CAD: variants seen among roughly 807,000 people sequenced by gnomAD.
CAD encodes carbamoyl-phosphate synthetase 2, aspartate transcarbamylase, and dihydroorotase, also known as multifunctional protein CAD.
CAD carries 81 observed loss-of-function variants against 237.2 expected under a neutral mutation model. That is an observed-to-expected ratio of 0.34 (90% CI 0.29 to 0.41). The LOEUF (loss-of-function observed/expected upper bound fraction) is 0.41, where lower values mean the gene tolerates loss of function less well. Among genes scored for constraint, CAD ranks in the 10% least tolerant of loss-of-function variants. The pLI is 1.00. For synonymous variants in CAD, 1,196 were observed against 1,162.8 expected, an observed-to-expected ratio of 1.03 and a Z score of -0.58; for missense variants, 2,181 against 2,951.7, an observed-to-expected ratio of 0.74 and a Z score of 6.05.
In CAD at chr2:27,218,155, A is replaced by C. The variant is rs534458496; in HGVS notation, c.222+139A>C. The C allele has an allele frequency of 5.7e-6, 4 of 702,414 alleles. No individual in the cohort carries two copies. The African/African-American group carries it at 7.4e-5, about 13-fold the overall frequency. 43.5% of individuals were successfully genotyped at this position (702,414 alleles called of 1,614,324 possible). ...TGAAGTAGTAAAGTCAAGGACTAAG[A>C]TCACTAGTAACTGTAGTTAGGGGTT... On this transcript the variant is annotated intron_variant, in intron 2 of 43. Coordinates refer to ENST00000264705, the MANE Select transcript of CAD (RefSeq NM_004341.5).
chr2:27,231,385 A>G (rs925015977), intron 15 of CAD, 83 bp from the exon 16 acceptor site: 4 of 784,436 alleles, frequency 5.1e-6, no homozygotes, highest in Admixed American at 4.0e-5. Flanking sequence ...AGTCTTGACT[A>G]TAAACCATAA....
Position 27,240,225 on chromosome 2 carries a change from A to G in CAD, c.5497-40A>G, listed in dbSNP as rs200104263. ...CAGAACGAGACTCCGTCTCAAAAGA[A>G]AAAAAAAAAAACAACTCTGGGCCAA... On this transcript the variant is annotated intron_variant, in intron 34 of 43. Coordinates refer to ENST00000264705, the MANE Select transcript of CAD (RefSeq NM_004341.5). The surrounding 1 kb of genome is among the most constrained non-coding windows in gnomAD (Gnocchi z 4.6). The G allele has an allele frequency of 6.2e-6, 9 of 1,452,754 alleles. No homozygotes were observed. The Admixed American group carries it at 7.8e-5, about 13-fold the overall frequency. 90.0% of individuals were successfully genotyped at this position (1,452,754 alleles called of 1,614,324 possible).
In CAD at chr2:27,240,510, C is replaced by T; in HGVS notation, c.5593+149C>T. ...TGCCATCCTTTGCCTAAACAAGTCT[C>T]CCCGGTGTGAGTAGACATCTCACAG... On this transcript the variant is annotated intron_variant, in intron 35 of 43. Coordinates refer to ENST00000264705, the MANE Select transcript of CAD (RefSeq NM_004341.5). This position sits in a 1 kb window ranked among gnomAD's most constrained non-coding sequence, Gnocchi z 4.6. The T allele has an allele frequency of 6.5e-7, 1 of 1,527,182 alleles. No homozygotes were observed. Among genetic ancestry groups the T allele is most frequent in the Non-Finnish European group, 8.9e-7 (1 of 1,123,234 alleles). The allele number at this position is 1,527,182 out of a possible 1,614,324, so 94.6% of individuals were successfully genotyped here.
At position 27,242,142 on chromosome 2, in the gene CAD, CT is replaced by C; in HGVS notation, c.6096+20del. ...AGTGGAGGTGAGGCCAGCCTGGGTA[CT>C]GAGATGGGGTTAAGAAGGCTGGACC... On this transcript the variant is annotated intron_variant, in intron 39 of 43. Transcript: ENST00000264705. The surrounding 1 kb of genome is among the most constrained non-coding windows in gnomAD (Gnocchi z 6.4). 1 of 1,610,624 alleles carries C rather than the reference CT, an allele frequency of 6.2e-7. No homozygotes were observed. Among genetic ancestry groups the C allele is most frequent in the Middle Eastern group, 1.9e-4 (1 of 5,314 alleles).
intron 23 of CAD, 60 bp downstream of exon 23, chr2:27,234,745 C>G (rs41288819): frequency 0.017 from 26,088 of 1,501,192 alleles, 283 homozygotes; most frequent in Non-Finnish European, 0.021. Flanking sequence ...GTTCACTCAC[C>G]ACACAGAGTT....
At chr2:27,231,167 G>A (rs1218796836) in intron 15 of CAD, among the ~76,000 whole-genome samples, 2 of 152,092 alleles carry the variant, frequency 1.3e-5, no homozygotes, top group Admixed American at 6.6e-5. Context: ...CACCACTCCC[G>A]GCTAATTTTT....
Position 27,233,860 on chromosome 2 carries a change from G to A in CAD, c.3399+52G>A, listed in dbSNP as rs576160943. On this transcript the variant is annotated intron_variant, in intron 21 of 43. Transcript: ENST00000264705. This position sits in a 1 kb window ranked among gnomAD's most constrained non-coding sequence, Gnocchi z 6.3. ...CTGAGGGCATGCTGCCAGCCCTGGA[G>A]GAGACTTCCTTCTCTGGTCCAGCAG... 5.5e-4 allele frequency: 879 copies of A among 1,595,152 alleles called. 2 individuals are homozygous for A. The highest frequency in any genetic ancestry group is 2.5e-3 in the South Asian group (224 of 90,494).
intron 43 of CAD, 25 bp from the exon 44 acceptor site, chr2:27,243,391 T>A: frequency 1.3e-5 from 1 of 77,858 alleles, no homozygotes; most frequent in Non-Finnish European, 2.3e-5. Context: ...TAACACTTCC[T>A]TTTTTTTTTT....
At chr2:27,224,173 C>A in intron 8 of CAD, 144 bp downstream of exon 8, 2 of 898,020 alleles carry the variant, frequency 2.2e-6, no homozygotes, top group South Asian at 1.6e-5. Context: ...CCCAAGATAC[C>A]GTTTAAGCTT....
Position 27,233,171 on chromosome 2 carries a change from G to T in CAD, c.2991+31G>T. 1 of 1,546,802 alleles carries T rather than the reference G, an allele frequency of 6.5e-7. No homozygotes were observed. Among genetic ancestry groups the T allele is most frequent in the Non-Finnish European group, 8.9e-7 (1 of 1,118,830 alleles). ...GGAGATGGAGGCTTCCTGGTAGCTT[G>T]AGTGGCCAGGGTCGAGTAGAACAGC... is the stretch of plus-strand genomic sequence containing the variant. On this transcript the variant is annotated intron_variant, in intron 19 of 43. Coordinates refer to ENST00000264705, the MANE Select transcript of CAD (RefSeq NM_004341.5). The surrounding 1 kb of genome is among the most constrained non-coding windows in gnomAD (Gnocchi z 6.3).
chr2:27,241,152 C>T lies in CAD; in HGVS notation c.5733C>T (p.His1911=), dbSNP rs1016981213. The T allele has an allele frequency of 3.7e-6, 6 of 1,612,690 alleles. No individual in the cohort carries two copies. In the African/African-American group the frequency reaches 6.7e-5, roughly 18 times the overall value. The change falls in exon 37 of 44, where the codon CAC becomes CAT. Residue 1911 remains histidine (H), a synonymous_variant. Coordinates refer to ENST00000264705, the MANE Select transcript of CAD (RefSeq NM_004341.5). This position sits in a 1 kb window ranked among gnomAD's most constrained non-coding sequence, Gnocchi z 4.6. ...ACCTGGGGACCCCTGGCTTGCTGCACCCCCAGACCTCACCCCTGCTGCACT... is the reference window on the plus strand; with the variant it reads ...ACCTGGGGACCCCTGGCTTGCTGCATCCCCAGACCTCACCCCTGCTGCACT... ...PQNLGTPGLL[H]PQTSPLLHSL... is the part of the protein sequence containing the mutation.
At position 27,224,783 on chromosome 2, in the gene CAD, G is replaced by T; in HGVS notation, c.1293G>T (p.Leu431Phe). 6.2e-7 allele frequency: 1 copy of T among 1,614,204 alleles called. No homozygotes were observed. The highest frequency in any genetic ancestry group is 1.1e-5 in the South Asian group (1 of 91,086). ...KALKEENIQT[L>F]LINPNIATVQ... is the part of the protein sequence containing the mutation. The stretch of plus-strand genomic sequence containing the variant: ...TGAAGGAGGAAAACATCCAGACGTT[G>T]CTGATCAACCCCAATATTGCCACAG... Residue 431 changes from leucine (L) to phenylalanine (F), a missense_variant, in exon 10 of 44, where the codon TTG becomes TTT. Coordinates refer to ENST00000264705, the MANE Select transcript of CAD (RefSeq NM_004341.5).
Position 27,243,765 on chromosome 2 carries a change from A to T in CAD, c.*247A>T. ...ACAGTCATTTTTCTACTGACTTAAT[A>T]AACAGCCGAGCTGTCCCTTGATGCT... On this transcript the variant is annotated 3_prime_UTR_variant, in exon 44 of 44. Coordinates refer to ENST00000264705, the MANE Select transcript of CAD (RefSeq NM_004341.5). 3.8e-6 allele frequency: 2 copies of T among 522,208 alleles called. No homozygotes were observed. Among genetic ancestry groups the T allele is most frequent in the Non-Finnish European group, 6.8e-6 (2 of 293,704 alleles). 32.3% of individuals were successfully genotyped at this position (522,208 alleles called of 1,614,324 possible).
At chr2:27,222,770 A>G in intron 5 of CAD, 96 bp from the exon 6 acceptor site, 2 of 1,573,024 alleles carry the variant, frequency 1.3e-6, no homozygotes, top group East Asian at 2.2e-5. Context: ...GAAGATAGAC[A>G]TTGGGACTTA....
At chr2:27,234,410 G>A in intron 22 of CAD, 108 bp from the exon 23 acceptor site, 1 of 1,235,042 alleles carries the variant, frequency 8.1e-7, no homozygotes, top group Non-Finnish European at 1.2e-6. Context: ...CCTGAACCCT[G>A]CTCAGTCTGA....
rs1572440965 is a variant in CAD at position 27,233,447 on chromosome 2, G to A, written c.3127G>A (p.Asp1043Asn). The A allele has an allele frequency of 6.2e-7, 1 of 1,614,258 alleles. No homozygotes were observed. Among genetic ancestry groups the A allele is most frequent in the Non-Finnish European group, 8.5e-7 (1 of 1,180,050 alleles). Reference sequence around the variant, plus strand: ...GCTGGGCACCTCCCCTGAAGCCATTGACTCGGCTGAGAACCGTTTCAAGTT... The same window carrying A: ...GCTGGGCACCTCCCCTGAAGCCATTAACTCGGCTGAGAACCGTTTCAAGTT... ...RVLGTSPEAI[D>N]SAENRFKFSR... The change falls in exon 20 of 44, where the codon GAC becomes AAC. Residue 1043 changes from aspartate (D) to asparagine (N), a missense_variant. Around this residue, in one of 12 missense-constraint regions of CAD, gnomAD observed 306 missense variants for 607.9 expected, o/e 0.50. Coordinates refer to ENST00000264705, the MANE Select transcript of CAD (RefSeq NM_004341.5). This position sits in a 1 kb window ranked among gnomAD's most constrained non-coding sequence, Gnocchi z 6.3.
At position 27,242,884 on chromosome 2, in the gene CAD, A is replaced by C. The variant is rs139512697; in HGVS notation, c.6391A>C (p.Ser2131Arg). 1.9e-6 allele frequency: 3 copies of C among 1,614,054 alleles called. No individual in the cohort carries two copies. Among genetic ancestry groups the C allele is most frequent in the Non-Finnish European group, 2.5e-6 (3 of 1,179,974 alleles). Residue 2131 changes from serine (S) to arginine (R), a missense_variant, in exon 42 of 44, where the codon AGC becomes CGC. This residue lies in a region of CAD where 170 missense variants were observed against 212.1 expected (regional missense o/e 0.80). Coordinates refer to ENST00000264705, the MANE Select transcript of CAD (RefSeq NM_004341.5). The surrounding 1 kb of genome is among the most constrained non-coding windows in gnomAD (Gnocchi z 6.4). ...CCTCACCCTCCAGGAGGAATTCGAG[A>C]GCATTGAGGAGGCGCTGCCTGACAC... The part of the protein sequence containing the change: ...SRGTKQEEFE[S>R]IEEALPDTDV...
Position 27,239,448 on chromosome 2 carries a change from G to C in CAD, c.5371G>C (p.Glu1791Gln). Residue 1791 changes from glutamate (E) to glutamine (Q), a missense_variant, in exon 33 of 44, where the codon GAG (glutamate) becomes CAG (glutamine). This residue lies in a region of CAD where 478 missense variants were observed against 515.0 expected (regional missense o/e 0.93). Transcript: ENST00000264705. This position sits in a 1 kb window ranked among gnomAD's most constrained non-coding sequence, Gnocchi z 4.0. ...GTVRRVVLRGEVAYIDGQVLV... is the reference protein window; with the variant it reads ...GTVRRVVLRGQVAYIDGQVLV... ...CGTCCGCCGTGTGGTCCTGCGAGGGGAGGTTGCCTATATCGATGGGCAGGT... is the reference window on the plus strand; with the variant it reads ...CGTCCGCCGTGTGGTCCTGCGAGGGCAGGTTGCCTATATCGATGGGCAGGT... 6.2e-7 allele frequency: 1 copy of C among 1,613,994 alleles called. No homozygotes were observed.
At position 27,242,176 on chromosome 2, in the gene CAD, A is replaced by T; in HGVS notation, c.6096+53A>T. The stretch of plus-strand genomic sequence containing the variant: ...GGTTAAGAAGGCTGGACCCAGGGGC[A>T]TGAGAACCCTTCTGCCCACGTTTTC... On this transcript the variant is annotated intron_variant, in intron 39 of 43. Coordinates refer to ENST00000264705, the MANE Select transcript of CAD (RefSeq NM_004341.5). The surrounding 1 kb of genome is among the most constrained non-coding windows in gnomAD (Gnocchi z 6.4). 4 of 1,597,852 alleles carry T rather than the reference A, an allele frequency of 2.5e-6. No homozygotes were observed. Among genetic ancestry groups the T allele is most frequent in the Non-Finnish European group, 3.4e-6 (4 of 1,169,352 alleles).
Sources: gnomAD v4.1 joint callset for allele counts (sites outside exome capture counted in the v4.1 genomes callset) on GRCh38, gnomAD v4.1.1 for gene constraint, gnomAD v4.1.1 regional missense constraint, Gnocchi (gnomAD v3.1) non-coding constraint, MANE v1.5 for transcripts, NCBI Gene and HGNC (gene_info 2026-07-23, HGNC 2026-07-21) for gene names.